TRIM23: variants seen among roughly 807,000 people sequenced by gnomAD.
The protein encoded by TRIM23 is tripartite motif containing 23, also known as E3 ubiquitin-protein ligase TRIM23.
Under a neutral mutation model 71.0 loss-of-function variants are expected in TRIM23, and 27 were observed. That is an observed-to-expected ratio of 0.38 (90% CI 0.28 to 0.52). The LOEUF is 0.52. Ranked by LOEUF, TRIM23 falls within the 20% of genes least tolerant of loss-of-function variation. The probability of loss-of-function intolerance (pLI) is 0.84; values close to 1 mark genes in which losing one functional copy is unlikely to be tolerated. For synonymous variants in TRIM23, 234 were observed against 238.0 expected (o/e 0.98, Z 0.16); for missense variants, 482 against 692.3 (o/e 0.70, Z 3.41).
chr5:65,613,336 TATAAA>T (rs1215953133), intron 3 of TRIM23, among the ~76,000 whole-genome samples: 1 of 152,206 alleles, frequency 6.6e-6, no homozygotes, highest in Non-Finnish European at 1.5e-5. Flanking sequence ...TTCACTTTAG[TATAAA>T]GAAATCATCA....
chr5:65,623,053 A>C (rs1754988700), intron 1 of TRIM23, among the ~76,000 whole-genome samples: 2 of 152,236 alleles, frequency 1.3e-5, no homozygotes, highest in Admixed American at 6.5e-5. Flanking sequence ...CTGTAGAATA[A>C]CTTCATTAGT....
At chr5:65,613,612 G>T in intron 3 of TRIM23, 1 of 821,622 alleles carries the variant, frequency 1.2e-6, no homozygotes, top group Non-Finnish European at 1.5e-6. Flanking sequence ...TATGGATAAA[G>T]ACAGTACATC....
chr5:65,621,337 G>T (rs568535782), intron 1 of TRIM23, among the ~76,000 whole-genome samples: 1 of 152,316 alleles, frequency 6.6e-6, no homozygotes, highest in South Asian at 2.1e-4. Context: ...GGGCGACAGA[G>T]TGAGGCTCTG....
intron 1 of TRIM23, among the ~76,000 whole-genome samples, chr5:65,620,596 T>C (rs1365493463): frequency 6.6e-6 from 1 of 152,078 alleles, no homozygotes; most frequent in South Asian, 2.1e-4. Context: ...TTTTTTGTAT[T>C]GTTGTATAAG....
intron 10 of TRIM23, among the ~76,000 whole-genome samples, chr5:65,592,384 C>T (rs1754064688): frequency 6.6e-6 from 1 of 151,966 alleles, no homozygotes; most frequent in African/African-American, 2.4e-5. Context: ...GCTACCATGC[C>T]CGGCTAATTT....
chr5:65,610,757 G>A, intron 5 of TRIM23, 104 bp downstream of exon 5: 1 of 956,442 alleles, frequency 1.0e-6, no homozygotes, highest in Non-Finnish European at 1.5e-6. Context: ...CTAATGATTG[G>A]TGCAATACTG....
chr5:65,614,764 A>AT (rs1303427135), intron 2 of TRIM23, among the ~76,000 whole-genome samples: 5 of 152,028 alleles, frequency 3.3e-5, no homozygotes, highest in Non-Finnish European at 7.4e-5. Flanking sequence ...CTAAATACAC[A>AT]TAAAAAAAAT....
intron 3 of TRIM23, 193 bp downstream of exon 3, chr5:65,613,905 C>T (rs1422107998): frequency 1.3e-6 from 2 of 1,488,168 alleles, no homozygotes; most frequent in Admixed American, 2.3e-5. Context: ...ATAGTTTAGG[C>T]ATAGGATTTT....
chr5:65,600,621 G>GT (rs1420111496), intron 7 of TRIM23, among the ~76,000 whole-genome samples: 1 of 67,080 alleles, frequency 1.5e-5, no homozygotes, highest in Non-Finnish European at 3.0e-5. Context: ...GAAAAGCACA[G>GT]TAAAAAAAAA....
chr5:65,618,044 A>T (rs766810570), intron 2 of TRIM23, 49 bp downstream of exon 2: 1 of 1,502,884 alleles, frequency 6.7e-7, no homozygotes, highest in African/African-American at 1.4e-5. Context: ...TGACATTTGC[A>T]TTACATGAAC....
At chr5:65,621,194 T>C (rs1388903394) in intron 1 of TRIM23, among the ~76,000 whole-genome samples, 1 of 151,868 alleles carries the variant, frequency 6.6e-6, no homozygotes, top group East Asian at 1.9e-4. Flanking sequence ...CTACCAAAAA[T>C]ACAAAAAATT....
chr5:65,603,610 G>C (rs1413119757), intron 7 of TRIM23, among the ~76,000 whole-genome samples: 2 of 152,064 alleles, frequency 1.3e-5, no homozygotes, highest in African/African-American at 2.4e-5. Context: ...ATAAAAGCTA[G>C]ATTTCTCTGA....
chr5:65,604,240 G>A lies in TRIM23; in HGVS notation c.1179+671C>T, dbSNP rs1754437009. 2.0e-5 allele frequency among the ~76,000 whole-genome samples: 3 copies of A among 152,004 alleles called. No individual in the cohort carries two copies. The South Asian group carries it at 6.2e-4, about 32-fold the overall frequency. ...GCCTCCCAAGTAGCTGGGATTATAG[G>A]CATGCACCACTATGCCAAAAATTTT... On this transcript the variant is annotated intron_variant, in intron 7 of 10. Coordinates refer to ENST00000231524, the MANE Select transcript of TRIM23 (RefSeq NM_001656.4).
chr5:65,616,155 T>A (rs1403150967), intron 2 of TRIM23, among the ~76,000 whole-genome samples: 1 of 152,174 alleles, frequency 6.6e-6, no homozygotes, highest in Non-Finnish European at 1.5e-5. Context: ...ATCAGGAATA[T>A]TGCTGAATGG....
At chr5:65,611,176 T>A in intron 4 of TRIM23, 133 bp from the exon 5 acceptor site, 1 of 777,742 alleles carries the variant, frequency 1.3e-6, no homozygotes, top group Non-Finnish European at 1.9e-6. Context: ...AATACTAATT[T>A]ACTTTCACTC....
chr5:65,592,136 A>G (rs535148988), intron 10 of TRIM23, among the ~76,000 whole-genome samples, 188 bp from the exon 11 acceptor site: 2 of 152,350 alleles, frequency 1.3e-5, no homozygotes, highest in African/African-American at 4.8e-5. Context: ...TAACTAATTT[A>G]TATGTGTGTG....
At chr5:65,593,844 T>G (rs1016105229) in intron 10 of TRIM23, among the ~76,000 whole-genome samples, 3 of 152,170 alleles carry the variant, frequency 2.0e-5, no homozygotes, top group Non-Finnish European at 4.4e-5. Context: ...TTTAAGCAAT[T>G]TACTGCATCT....
chr5:65,592,880 C>T (rs1429027089), intron 10 of TRIM23, among the ~76,000 whole-genome samples: 1 of 152,158 alleles, frequency 6.6e-6, no homozygotes, highest in Non-Finnish European at 1.5e-5. Context: ...GTGGCTGCAA[C>T]ATAATTTAAC....
At chr5:65,613,502 C>G (rs1754704925) in intron 3 of TRIM23, among the ~76,000 whole-genome samples, 1 of 152,180 alleles carries the variant, frequency 6.6e-6, no homozygotes, top group Admixed American at 6.5e-5. Flanking sequence ...TCCTATAGTA[C>G]ATATGTGCAG....
Sources: gnomAD v4.1 joint callset for allele counts (sites outside exome capture counted in the v4.1 genomes callset) on GRCh38, gnomAD v4.1.1 for gene constraint, MANE v1.5 for transcripts, NCBI Gene and HGNC (gene_info 2026-07-23, HGNC 2026-07-21) for gene names.